Variants in NUGGC observed in about 807,000 individuals in gnomAD.
The protein encoded by NUGGC is nuclear GTPase, germinal center associated.
NUGGC carries 58 observed loss-of-function variants against 92.6 expected under a neutral mutation model. That is an observed-to-expected ratio of 0.63 (90% CI 0.51 to 0.78). The LOEUF is 0.78. NUGGC is among the 30% of genes least tolerant of loss of function. The pLI is 0.00. For synonymous variants in NUGGC, 376 were observed against 366.4 expected (o/e 1.03, Z -0.30); for missense variants, 925 against 964.6 (o/e 0.96, Z 0.54).
chr8:28,051,382 T>A (rs1809997753), intron 10 of NUGGC, among the ~76,000 whole-genome samples: 1 of 152,168 alleles, frequency 6.6e-6, no homozygotes, highest in Non-Finnish European at 1.5e-5. Flanking sequence ...CTCATTATGA[T>A]CCTAAAACTG....
intron 13 of NUGGC, among the ~76,000 whole-genome samples, chr8:28,039,487 C>A (rs932183100): frequency 2.6e-5 from 4 of 152,210 alleles, no homozygotes; most frequent in African/African-American, 9.7e-5. Flanking sequence ...CCACCTCAGC[C>A]TCCCAAAGTG....
chr8:28,062,819 C>T (rs1054468557), intron 7 of NUGGC, among the ~76,000 whole-genome samples: 4 of 152,164 alleles, frequency 2.6e-5, no homozygotes, highest in African/African-American at 9.7e-5. Context: ...GGACAGCAAC[C>T]ATAAAGGGTG....
At chr8:28,070,664 C>T (rs4732814) in intron 2 of NUGGC, among the ~76,000 whole-genome samples, 12,460 of 150,226 alleles carry the variant, frequency 0.083, 756 homozygotes, top group African/African-American at 0.16. Flanking sequence ...GGCATGATCA[C>T]GACTCACTGC....
intron 18 of NUGGC, among the ~76,000 whole-genome samples, chr8:28,024,470 G>A (rs940102185): frequency 5.9e-5 from 9 of 152,110 alleles, no homozygotes; most frequent in Non-Finnish European, 1.3e-4. Flanking sequence ...CAGATTTTGG[G>A]CTCACCAAGC....
Position 28,046,325 on chromosome 8 carries a change from A to T in NUGGC, c.1313-665T>A, listed in dbSNP as rs74913208. On this transcript the variant is annotated intron_variant, in intron 11 of 18. Coordinates refer to ENST00000413272, the MANE Select transcript of NUGGC (RefSeq NM_001010906.2). ...ACCTTCTGCTCCTTAACCTCCATTCACATACCTACACGTCTAGTCAAATGC... is the reference window on the plus strand; with the variant it reads ...ACCTTCTGCTCCTTAACCTCCATTCTCATACCTACACGTCTAGTCAAATGC... Among the ~76,000 whole-genome samples the T allele has an allele frequency of 2.2e-3, 335 of 152,102 alleles. 1 individual carries two copies. Among genetic ancestry groups the T allele is most frequent in the African/African-American group, 7.6e-3 (316 of 41,490 alleles).
chr8:28,052,049 T>C (rs927644891), intron 10 of NUGGC, among the ~76,000 whole-genome samples: 1 of 152,080 alleles, frequency 6.6e-6, no homozygotes, highest in African/African-American at 2.4e-5. Context: ...GAAAGCCTCG[T>C]TACTATAGGA....
At chr8:28,047,452 T>G in intron 11 of NUGGC, 55 bp downstream of exon 11, 1 of 1,148,308 alleles carries the variant, frequency 8.7e-7, no homozygotes, top group Non-Finnish European at 1.3e-6. Context: ...AAATTCGAAG[T>G]GCCAAGCTTG....
At chr8:28,038,787 G>T (rs972215181) in intron 13 of NUGGC, among the ~76,000 whole-genome samples, 1 of 152,140 alleles carries the variant, frequency 6.6e-6, no homozygotes, top group Non-Finnish European at 1.5e-5. Context: ...GCAGGAGTTG[G>T]GTGTCAAATT....
Position 28,064,676 on chromosome 8 carries a change from C to G in NUGGC, c.767G>C (p.Trp256Ser). 1 of 1,614,032 alleles carries G rather than the reference C, an allele frequency of 6.2e-7. No individual in the cohort carries two copies. The highest frequency in any genetic ancestry group is 8.5e-7 in the Non-Finnish European group (1 of 1,179,894). The change falls in exon 7 of 19, where the codon TGG (tryptophan) becomes TCG (serine). Residue 256 changes from tryptophan to serine, a missense_variant. Transcript: ENST00000413272. ...GCGCATCTCAGCGGCCTCTCCATCC[C>G]AATCTCTCCTCTGTGTGCGGATGTA... ...DPYIRTQRRDWDGEAAEMRIW... is the reference protein window; with the variant it reads ...DPYIRTQRRDSDGEAAEMRIW...
intron 4 of NUGGC, 115 bp from the exon 5 acceptor site, chr8:28,068,553 G>A (rs1013199542): frequency 1.5e-6 from 1 of 688,180 alleles, no homozygotes; most frequent in Non-Finnish European, 2.5e-6. Context: ...TACAACCTGA[G>A]TCTCTGTTCT....
intron 6 of NUGGC, among the ~76,000 whole-genome samples, chr8:28,066,732 T>C (rs1810448032): frequency 6.6e-6 from 1 of 152,242 alleles, no homozygotes; most frequent in Non-Finnish European, 1.5e-5. Flanking sequence ...TAAACATTGT[T>C]TATAAAAGCA....
chr8:28,067,603 C>T lies in NUGGC; in HGVS notation c.622G>A (p.Ala208Thr). The change falls in exon 6 of 19, where the codon GCA becomes ACA. Residue 208 changes from alanine to threonine, a missense_variant. Ala to Thr is a moderately conservative substitution (Grantham distance 58). Coordinates refer to ENST00000413272, the MANE Select transcript of NUGGC (RefSeq NM_001010906.2). ...AACTCCTCATAGTTCTTACTCTCTG[C>T]CCCATTTCCATAAATCATTTGTAGC... is the stretch of plus-strand genomic sequence containing the variant. Reference protein sequence around the residue: ...WKLQMIYGNGAESKNYEELLR... With the variant: ...WKLQMIYGNGTESKNYEELLR... 1 of 1,613,886 alleles carries T rather than the reference C, an allele frequency of 6.2e-7. No homozygotes were observed. Among genetic ancestry groups the T allele is most frequent in the Non-Finnish European group, 8.5e-7 (1 of 1,179,810 alleles).
chr8:28,081,387 G>T (rs898804277), intron 1 of NUGGC, among the ~76,000 whole-genome samples: 2 of 152,156 alleles, frequency 1.3e-5, no homozygotes, highest in African/African-American at 4.8e-5. Context: ...AAATTGCTCT[G>T]CAGGCACTTA....
Position 28,023,299 on chromosome 8 carries a change from G to T in NUGGC, c.*18C>A. The T allele has an allele frequency of 6.2e-7, 1 of 1,605,152 alleles. No homozygotes were observed. The highest frequency in any genetic ancestry group is 8.5e-7 in the Non-Finnish European group (1 of 1,176,320). On this transcript the variant is annotated 3_prime_UTR_variant, in exon 19 of 19. Transcript: ENST00000413272. Reference sequence around the variant, plus strand: ...GCTCTGGGCTGATTTTTCATCCATTGGGACTAAGCCCCAGGAGTTACAGTG... The same window carrying T: ...GCTCTGGGCTGATTTTTCATCCATTTGGACTAAGCCCCAGGAGTTACAGTG...
At chr8:28,060,884 C>T (rs1326375931) in intron 7 of NUGGC, among the ~76,000 whole-genome samples, 1 of 152,182 alleles carries the variant, frequency 6.6e-6, no homozygotes, top group Non-Finnish European at 1.5e-5. Context: ...AACACCTGGA[C>T]TTACCTCAAG....
At chr8:28,070,023 G>T (rs1585599230) in intron 3 of NUGGC, 3 of 817,916 alleles carry the variant, frequency 3.7e-6, no homozygotes, top group Non-Finnish European at 4.4e-6. Context: ...CACAGGCTTT[G>T]TTCTAATCTG....
intron 13 of NUGGC, among the ~76,000 whole-genome samples, chr8:28,036,647 T>C (rs1172620055): frequency 6.6e-6 from 1 of 152,240 alleles, no homozygotes; most frequent in Non-Finnish European, 1.5e-5. Flanking sequence ...TTCTCTTGGA[T>C]GCGAATCTTC....
In NUGGC at chr8:28,045,171, C is replaced by T. The variant is rs187017547; in HGVS notation, c.1446+356G>A. On this transcript the variant is annotated intron_variant, in intron 12 of 18. Coordinates refer to ENST00000413272, the MANE Select transcript of NUGGC (RefSeq NM_001010906.2). The stretch of plus-strand genomic sequence containing the variant: ...TTTTTGGACTGTATACATAAACACG[C>T]CTCTCCAGGGTAACCAAGAAGTGTC... 1.8e-4 allele frequency among the ~76,000 whole-genome samples: 27 copies of T among 152,266 alleles called. No homozygotes were observed. The East Asian group carries it at 4.8e-3, about 27-fold the overall frequency.
At chr8:28,045,029 A>C (rs1032425309) in intron 12 of NUGGC, among the ~76,000 whole-genome samples, 3 of 152,260 alleles carry the variant, frequency 2.0e-5, no homozygotes, top group Non-Finnish European at 4.4e-5. Flanking sequence ...CATTCTTGCC[A>C]GTGAAGATAA....
Sources: allele counts gnomAD v4.1 joint callset (sites outside exome capture counted in the v4.1 genomes callset), GRCh38; gene constraint gnomAD v4.1.1; transcripts MANE v1.5; gene names NCBI Gene and HGNC (gene_info 2026-07-23, HGNC 2026-07-21).